SUPT3H: variants seen among roughly 807,000 people sequenced by gnomAD.
SUPT3H encodes transcription initiation protein SPT3 homolog.
A neutral mutation model predicts 44.3 loss-of-function variants in SUPT3H; 44 were observed. The observed-to-expected ratio is 0.99, with a 90% confidence interval of 0.78 to 1.28. The LOEUF (loss-of-function observed/expected upper bound fraction) is 1.28. Ranked by LOEUF, SUPT3H falls within the 50% of genes most tolerant of loss-of-function variation. SUPT3H has a pLI of 0.00. For synonymous variants in SUPT3H, 124 were observed against 125.6 expected (o/e 0.99, Z 0.09); for missense variants, 380 against 387.1 (o/e 0.98, Z 0.15).
intron 2 of SUPT3H, among the ~76,000 whole-genome samples, chr6:45,131,987 A>G (rs1204097785): frequency 6.6e-6 from 1 of 152,212 alleles, no homozygotes; most frequent in African/African-American, 2.4e-5. Flanking sequence ...AATAAAGTTC[A>G]ATTTATAAAT....
At chr6:45,015,310 G>GT (rs1391860661) in intron 4 of SUPT3H, among the ~76,000 whole-genome samples, 2 of 152,042 alleles carry the variant, frequency 1.3e-5, no homozygotes, top group East Asian at 3.9e-4. Context: ...TAAGAAAATG[G>GT]TAAGTATTTG....
intron 10 of SUPT3H, among the ~76,000 whole-genome samples, chr6:44,903,265 A>G (rs993375822): frequency 6.6e-6 from 1 of 152,226 alleles, no homozygotes; most frequent in Non-Finnish European, 1.5e-5. Flanking sequence ...AAAGAACAAC[A>G]AAATTGATAG....
At chr6:45,115,543 C>T (rs2153576625) in intron 2 of SUPT3H, among the ~76,000 whole-genome samples, 1 of 151,838 alleles carries the variant, frequency 6.6e-6, no homozygotes, top group East Asian at 1.9e-4. Context: ...TTTTCTAAGC[C>T]CATGGAGTTA....
chr6:44,866,638 C>A (rs1388176158), intron 10 of SUPT3H, among the ~76,000 whole-genome samples: 2 of 152,152 alleles, frequency 1.3e-5, no homozygotes, highest in Non-Finnish European at 2.9e-5. Flanking sequence ...TCTTTTTCTG[C>A]AGCAGCTGGT....
intron 3 of SUPT3H, among the ~76,000 whole-genome samples, chr6:45,068,370 G>T (rs1305801284): frequency 2.8e-5 from 4 of 142,434 alleles, no homozygotes; most frequent in African/African-American, 1.0e-4. Flanking sequence ...GCTAGATGAC[G>T]AGTTAGTGGG....
chr6:45,018,860 A>C (rs1416372374), intron 4 of SUPT3H, among the ~76,000 whole-genome samples: 3 of 151,484 alleles, frequency 2.0e-5, no homozygotes, highest in Non-Finnish European at 4.4e-5. Context: ...TGCTGGCCTC[A>C]TAAAATGAGT....
chr6:44,885,782 T>C (rs1166583257), intron 10 of SUPT3H, among the ~76,000 whole-genome samples: 2 of 151,874 alleles, frequency 1.3e-5, no homozygotes, highest in Non-Finnish European at 2.9e-5. Context: ...CTTTGACGAG[T>C]TGAGAGAAGA....
intron 2 of SUPT3H, among the ~76,000 whole-genome samples, chr6:45,246,106 T>A: frequency 6.6e-6 from 1 of 152,144 alleles, no homozygotes; most frequent in South Asian, 2.1e-4. Flanking sequence ...TTTGCCCATT[T>A]TTTAATTGGG....
intron 2 of SUPT3H, among the ~76,000 whole-genome samples, chr6:45,223,719 A>G (rs1249212287): frequency 1.3e-5 from 2 of 151,802 alleles, no homozygotes; most frequent in African/African-American, 2.4e-5. Context: ...TAAAATTACC[A>G]AATATTTAAA....
intron 3 of SUPT3H, among the ~76,000 whole-genome samples, chr6:45,033,474 C>A (rs1464037748): frequency 2.0e-5 from 3 of 151,964 alleles, no homozygotes; most frequent in African/African-American, 7.2e-5. Context: ...ACAACAAAAC[C>A]AAGAAGAAAA....
At chr6:45,372,225 T>G (rs1409752953) in intron 1 of SUPT3H, among the ~76,000 whole-genome samples, 1 of 152,216 alleles carries the variant, frequency 6.6e-6, no homozygotes, top group East Asian at 1.9e-4. Context: ...CTCAGTTCCC[T>G]CATCTCTAAA....
intron 2 of SUPT3H, among the ~76,000 whole-genome samples, chr6:45,219,923 C>T (rs1765728075): frequency 6.6e-6 from 1 of 150,796 alleles, no homozygotes; most frequent in Admixed American, 6.6e-5. Flanking sequence ...CCCGTAGTCC[C>T]AGCTATTTGG....
chr6:45,051,518 G>A (rs1032944550), intron 3 of SUPT3H, among the ~76,000 whole-genome samples: 1 of 150,560 alleles, frequency 6.6e-6, no homozygotes, highest in African/African-American at 2.4e-5. Context: ...TTTATCAAAT[G>A]TATGTATGTA....
At chr6:44,876,697 A>G (rs1397056678) in intron 10 of SUPT3H, among the ~76,000 whole-genome samples, 1 of 151,948 alleles carries the variant, frequency 6.6e-6, no homozygotes, top group Non-Finnish European at 1.5e-5. Context: ...ATACTCTTAA[A>G]TAACCAATGG....
At position 44,940,196 on chromosome 6, in the gene SUPT3H, C is replaced by T. The variant is rs144744558; in HGVS notation, c.802-7433G>A. Among the ~76,000 whole-genome samples the T allele has an allele frequency of 2.2e-3, 328 of 152,088 alleles. 1 individual carries two copies. Among genetic ancestry groups the T allele is most frequent in the African/African-American group, 7.6e-3 (314 of 41,522 alleles). The stretch of plus-strand genomic sequence containing the variant: ...TATAGGCATTTAATGCTACAAACTT[C>T]CCTTTTGCAATGCTTTTGCTGTATA... On this transcript the variant is annotated intron_variant, in intron 9 of 10. Transcript: ENST00000371459.
At chr6:45,230,686 A>ATATATATATATATATATATATT (rs796866510) in intron 2 of SUPT3H, among the ~76,000 whole-genome samples, 6 of 116,818 alleles carry the variant, frequency 5.1e-5, no homozygotes, top group African/African-American at 9.4e-5. Context: ...ATATATATAT[A>ATATATATATATATATATATATT]TTTTTGAGAT....
intron 9 of SUPT3H, among the ~76,000 whole-genome samples, chr6:44,936,855 C>G (rs1051264823): frequency 2.6e-5 from 4 of 152,004 alleles, no homozygotes; most frequent in Non-Finnish European, 5.9e-5. Context: ...TTAGTAGAGA[C>G]AGGGTTTTGC....
chr6:45,182,426 T>C (rs1813436751), intron 2 of SUPT3H, among the ~76,000 whole-genome samples: 1 of 152,054 alleles, frequency 6.6e-6, no homozygotes, highest in South Asian at 2.1e-4. Context: ...CACGCCTGGC[T>C]AATTTTTGCA....
chr6:45,324,451 T>A (rs1786030604), intron 2 of SUPT3H, among the ~76,000 whole-genome samples: 1 of 151,964 alleles, frequency 6.6e-6, no homozygotes, highest in South Asian at 2.1e-4. Flanking sequence ...CTACCGAGTA[T>A]TCATTAGTGA....
Sources: allele counts gnomAD v4.1 joint callset (sites outside exome capture counted in the v4.1 genomes callset), GRCh38; gene constraint gnomAD v4.1.1; transcripts MANE v1.5; gene names NCBI Gene and HGNC (gene_info 2026-07-23, HGNC 2026-07-21).